Variants in PARD3 observed in about 807,000 individuals in gnomAD.
The protein encoded by PARD3 is partitioning defective 3 homolog.
PARD3 carries 75 observed loss-of-function variants against 155.4 expected under a neutral mutation model. That is an observed-to-expected ratio of 0.48 (90% CI 0.40 to 0.58). The LOEUF (loss-of-function observed/expected upper bound fraction) is 0.58. Among genes scored for constraint, PARD3 ranks in the 20% least tolerant of loss-of-function variants. The pLI is 0.00. For synonymous variants in PARD3, 576 were observed against 610.5 expected (o/e 0.94, Z 0.83); for missense variants, 1,642 against 1,721.7 (o/e 0.95, Z 0.82).
chr10:34,254,957 AC>A (rs1954577046), intron 22 of PARD3, among the ~76,000 whole-genome samples: 1 of 152,170 alleles, frequency 6.6e-6, no homozygotes, highest in Non-Finnish European at 1.5e-5. Context: ...AAACATACAG[AC>A]CAAAGGAAAG....
intron 22 of PARD3, among the ~76,000 whole-genome samples, chr10:34,269,067 T>C (rs1373620058): frequency 2.0e-5 from 3 of 152,182 alleles, no homozygotes; most frequent in Admixed American, 6.5e-5. Context: ...CCTATAAACA[T>C]GTAAAATAGC....
intron 5 of PARD3, among the ~76,000 whole-genome samples, chr10:34,406,380 G>A (rs1401877451): frequency 6.6e-6 from 1 of 152,158 alleles, no homozygotes; most frequent in Admixed American, 6.6e-5. Context: ...AACACAGTAA[G>A]AAATCAGTCA....
rs1045562828 is a variant in PARD3, at chr10:34,111,036, G to A, written c.*133C>T. ...GGCCTTCCATTTCTTTGCCTACACC[G>A]CTTAAAGGCACTGATACCAACAACA... is the stretch of plus-strand genomic sequence containing the variant. On this transcript the variant is annotated 3_prime_UTR_variant, in exon 25 of 25. Coordinates refer to ENST00000374788, the MANE Select transcript of PARD3 (RefSeq NM_001184785.2). The A allele has an allele frequency of 2.9e-5, 28 of 959,620 alleles. No individual in the cohort carries two copies. The highest frequency in any genetic ancestry group is 9.7e-5 in the African/African-American group (6 of 61,676). 59.4% of individuals were successfully genotyped at this position (959,620 alleles called of 1,614,324 possible).
At chr10:34,181,615 C>T (rs886594887) in intron 22 of PARD3, among the ~76,000 whole-genome samples, 10 of 152,070 alleles carry the variant, frequency 6.6e-5, no homozygotes, top group African/African-American at 2.4e-4. Flanking sequence ...GTTTTCTATT[C>T]TTAATATTTA....
chr10:34,656,076 T>C (rs955738466), intron 2 of PARD3, among the ~76,000 whole-genome samples: 2 of 152,208 alleles, frequency 1.3e-5, no homozygotes, highest in Non-Finnish European at 2.9e-5. Flanking sequence ...CAAAATTTTT[T>C]ATGGTATACA....
intron 5 of PARD3, among the ~76,000 whole-genome samples, chr10:34,412,436 C>T (rs1207406572): frequency 6.6e-6 from 1 of 152,170 alleles, no homozygotes; most frequent in African/African-American, 2.4e-5. Context: ...CCTCCCATTC[C>T]ACCTTCCTTT....
intron 2 of PARD3, among the ~76,000 whole-genome samples, chr10:34,556,723 T>C (rs1360152481): frequency 2.0e-5 from 3 of 152,154 alleles, no homozygotes; most frequent in Non-Finnish European, 4.4e-5. Context: ...GTAGTGTTTA[T>C]TATTTTTTCT....
intron 2 of PARD3, among the ~76,000 whole-genome samples, chr10:34,616,414 C>T (rs920533377): frequency 2.6e-5 from 4 of 152,124 alleles, no homozygotes; most frequent in South Asian, 4.1e-4. Context: ...AGCACATCAA[C>T]GAAATATCTG....
At chr10:34,532,692 A>C (rs987781477) in intron 2 of PARD3, among the ~76,000 whole-genome samples, 6 of 152,244 alleles carry the variant, frequency 3.9e-5, no homozygotes, top group Admixed American at 2.0e-4. Flanking sequence ...ATTCACTTAA[A>C]TATCAATGAG....
intron 5 of PARD3, among the ~76,000 whole-genome samples, chr10:34,448,299 T>C (rs1386598706): frequency 3.3e-5 from 5 of 150,106 alleles, no homozygotes; most frequent in Admixed American, 1.3e-4. Flanking sequence ...ACAAAATCTG[T>C]ACGATTTTAC....
chr10:34,612,663 G>A (rs1564416520), intron 2 of PARD3, among the ~76,000 whole-genome samples: 1 of 152,162 alleles, frequency 6.6e-6, no homozygotes, highest in East Asian at 1.9e-4. Flanking sequence ...ACCCTAGAGG[G>A]CTATAGTGAG....
chr10:34,579,572 G>GTCTGTGTGTA (rs1554775631), intron 2 of PARD3, among the ~76,000 whole-genome samples: 1 of 149,548 alleles, frequency 6.7e-6, no homozygotes, highest in African/African-American at 2.5e-5. Flanking sequence ...GTGTGTGTGT[G>GTCTGTGTGTA]TGTGTGTGTG....
chr10:34,319,541 A>T (rs745527917), intron 19 of PARD3, among the ~76,000 whole-genome samples: 3 of 152,242 alleles, frequency 2.0e-5, no homozygotes, highest in Non-Finnish European at 4.4e-5. Flanking sequence ...CACGTTTATT[A>T]GAAGAAGCCA....
intron 4 of PARD3, among the ~76,000 whole-genome samples, chr10:34,460,833 A>AAAAAAT (rs763989931): frequency 7.2e-5 from 11 of 152,094 alleles, no homozygotes; most frequent in East Asian, 1.9e-4. Context: ...ACTCGTCTCA[A>AAAAAAT]AAAAATAAAA....
intron 2 of PARD3, among the ~76,000 whole-genome samples, chr10:34,605,044 GATT>G (rs2090111956): frequency 1.3e-5 from 2 of 151,848 alleles, no homozygotes; most frequent in Admixed American, 1.3e-4. Flanking sequence ...CTCTTCTGGT[GATT>G]ATTATTATAT....
chr10:34,213,420 C>G (rs77649517), intron 22 of PARD3, among the ~76,000 whole-genome samples: 1 of 152,148 alleles, frequency 6.6e-6, no homozygotes, highest in Non-Finnish European at 1.5e-5. Context: ...CACCTCCCAA[C>G]ACCACCACAT....
intron 20 of PARD3, among the ~76,000 whole-genome samples, chr10:34,302,230 A>C (rs1957190229): frequency 6.6e-6 from 1 of 152,126 alleles, no homozygotes; most frequent in Non-Finnish European, 1.5e-5. Flanking sequence ...CTCACTGAAG[A>C]CCTGAAATTG....
chr10:34,617,637 C>T (rs111532668), intron 2 of PARD3, among the ~76,000 whole-genome samples: 6 of 152,316 alleles, frequency 3.9e-5, no homozygotes, highest in East Asian at 1.9e-4. Flanking sequence ...AAGTACATTT[C>T]AATTTGTCTA....
intron 5 of PARD3, among the ~76,000 whole-genome samples, chr10:34,412,875 C>T (rs988716738): frequency 3.3e-5 from 5 of 152,112 alleles, no homozygotes; most frequent in African/African-American, 7.2e-5. Flanking sequence ...AATGATTAAA[C>T]AAATGATACA....
Sources: allele counts gnomAD v4.1 joint callset (sites outside exome capture counted in the v4.1 genomes callset), GRCh38; gene constraint gnomAD v4.1.1; transcripts MANE v1.5; gene names NCBI Gene and HGNC (gene_info 2026-07-23, HGNC 2026-07-21).